The following VPS13B variants were observed in gnomAD, a reference collection of about 807,000 sequenced individuals.
VPS13B encodes the protein vacuolar protein sorting 13 homolog B, also known as intermembrane lipid transfer protein VPS13B.
In VPS13B, 285 loss-of-function variants were observed where a neutral mutation model predicts 426.4. The observed-to-expected ratio is 0.67, with a 90% CI of 0.61 to 0.74. The LOEUF (loss-of-function observed/expected upper bound fraction) is 0.74, where lower values mean the gene tolerates loss of function less well. VPS13B is among the 30% of genes least tolerant of loss of function. The pLI is 0.00. For missense variants in VPS13B, 4,537 were observed against 4,782.6 expected (o/e 0.95, Z 1.51); for synonymous variants, 1,676 against 1,676.4 (o/e 1.00, Z 0.01).
At chr8:99,082,500 C>T (rs1845541476) in intron 3 of VPS13B, among the ~76,000 whole-genome samples, 3 of 152,138 alleles carry the variant, frequency 2.0e-5, no homozygotes, top group Admixed American at 2.0e-4. Context: ...GCTTTTGTTG[C>T]CATTGCTTTT....
chr8:99,296,649 C>T (rs889638289), intron 19 of VPS13B, among the ~76,000 whole-genome samples: 3 of 152,144 alleles, frequency 2.0e-5, no homozygotes, highest in Non-Finnish European at 2.9e-5. Flanking sequence ...AACTTAATCA[C>T]CAATGTGATA....
chr8:99,558,669 C>T (rs894005351), intron 31 of VPS13B, among the ~76,000 whole-genome samples: 3 of 151,706 alleles, frequency 2.0e-5, no homozygotes, highest in Non-Finnish European at 4.4e-5. Context: ...GTTTGGTTTT[C>T]TGTCCTTGCA....
rs936546232 is a variant in VPS13B, at chr8:99,748,087, A to C, written c.7051-18687A>C. 3.3e-5 allele frequency among the ~76,000 whole-genome samples: 5 copies of C among 152,024 alleles called. No homozygotes were observed. The East Asian group carries it at 9.6e-4, about 29-fold the overall frequency. On this transcript the variant is annotated intron_variant, in intron 39 of 61. Transcript: ENST00000357162. The stretch of plus-strand genomic sequence containing the variant: ...GAAAAATTTGCCACCTATAACCTGT[A>C]ATGTATCCCCTAAATAGCTAATTAG...
At chr8:99,221,411 G>C (rs1815712091) in intron 17 of VPS13B, among the ~76,000 whole-genome samples, 1 of 152,044 alleles carries the variant, frequency 6.6e-6, no homozygotes, top group African/African-American at 2.4e-5. Context: ...CATTAGAAAA[G>C]ATTTAAAAAT....
rs1810645561 is a variant in VPS13B at position 99,756,393 on chromosome 8, T to C, written c.7051-10381T>C. ...ACCATCAAGTGTACCAATATATGCA[T>C]AGGGGAAGTCCCAGGAGAGGAGAGA... On this transcript the variant is annotated intron_variant, in intron 39 of 61. Coordinates refer to ENST00000357162, the MANE Select transcript of VPS13B (RefSeq NM_152564.5). Among the ~76,000 whole-genome samples the C allele has an allele frequency of 2.6e-5, 4 of 152,198 alleles. No individual in the cohort carries two copies. The South Asian group carries it at 6.2e-4, about 24-fold the overall frequency.
intron 3 of VPS13B, among the ~76,000 whole-genome samples, chr8:99,093,431 A>G (rs540289364): frequency 6.6e-6 from 1 of 151,898 alleles, no homozygotes; most frequent in East Asian, 1.9e-4. Context: ...CACAATGTGC[A>G]GTTTAGTTAC....
At chr8:99,169,210 C>T (rs964443701) in intron 15 of VPS13B, among the ~76,000 whole-genome samples, 1 of 152,064 alleles carries the variant, frequency 6.6e-6, no homozygotes. Context: ...TTTACATTTA[C>T]TGGAAAACAG....
chr8:99,418,911 T>C (rs1282217786), intron 21 of VPS13B, among the ~76,000 whole-genome samples: 1 of 152,248 alleles, frequency 6.6e-6, no homozygotes, highest in Non-Finnish European at 1.5e-5. Flanking sequence ...TTAAGCTTTC[T>C]GCAAACTTGT....
At chr8:99,310,188 T>C (rs1820875515) in intron 19 of VPS13B, among the ~76,000 whole-genome samples, 1 of 152,212 alleles carries the variant, frequency 6.6e-6, no homozygotes, top group African/African-American at 2.4e-5. Flanking sequence ...TTCTCCTGCC[T>C]GATTGCCCTG....
intron 33 of VPS13B, among the ~76,000 whole-genome samples, chr8:99,618,995 G>C: frequency 6.6e-6 from 1 of 151,942 alleles, no homozygotes; most frequent in East Asian, 1.9e-4. Context: ...TTCATCCTAG[G>C]CTGCTTTCCT....
intron 17 of VPS13B, among the ~76,000 whole-genome samples, chr8:99,232,237 T>G (rs1246713828): frequency 6.6e-6 from 1 of 151,914 alleles, no homozygotes; most frequent in East Asian, 1.9e-4. Context: ...AGATAGAGAA[T>G]TATATAGCAG....
intron 19 of VPS13B, among the ~76,000 whole-genome samples, chr8:99,279,577 T>G (rs1298544957): frequency 2.0e-5 from 3 of 152,140 alleles, no homozygotes; most frequent in Non-Finnish European, 4.4e-5. Context: ...GTCTTTTTAA[T>G]ATAGACTTTG....
chr8:99,459,942 T>G (rs545394533), intron 23 of VPS13B, among the ~76,000 whole-genome samples: 1 of 152,258 alleles, frequency 6.6e-6, no homozygotes, highest in South Asian at 2.1e-4. Context: ...ATGGTTGTGG[T>G]TTAATAGTAT....
intron 30 of VPS13B, among the ~76,000 whole-genome samples, chr8:99,535,528 G>T (rs540240719): frequency 6.6e-6 from 1 of 152,270 alleles, no homozygotes; most frequent in Admixed American, 6.5e-5. Context: ...TCTACATTGA[G>T]AAAGGTAATG....
intron 59 of VPS13B, 120 bp from the exon 60 acceptor site, chr8:99,870,665 T>C: frequency 1.2e-6 from 1 of 860,106 alleles, no homozygotes; most frequent in Non-Finnish European, 2.0e-6. Context: ...CTTCCAAAGA[T>C]GTGACATCAT....
chr8:99,420,638 G>T (rs1372809922), intron 21 of VPS13B, among the ~76,000 whole-genome samples: 1 of 152,136 alleles, frequency 6.6e-6, no homozygotes, highest in East Asian at 1.9e-4. Context: ...TGTCTTCAGT[G>T]TCTAGCCATT....
chr8:99,326,452 C>CTTTTTTTTTTTTTTTTTTTT lies in VPS13B; in HGVS notation c.2824+51209_2824+51228dup, dbSNP rs747097247. Among the ~76,000 whole-genome samples the CTTTTTTTTTTTTTTTTTTTT allele has an allele frequency of 2.3e-3, 75 of 32,524 alleles. 28 individuals are homozygous for CTTTTTTTTTTTTTTTTTTTT. The highest frequency in any genetic ancestry group is 7.6e-3 in the South Asian group (3 of 396). 21.3% of individuals were successfully genotyped at this position (32,524 alleles called of 152,430 possible). A position where few individuals can be genotyped will look rare whatever the true frequency, so the allele number is the denominator to read the frequency against. On this transcript the variant is annotated intron_variant, in intron 19 of 61. Transcript: ENST00000357162. The stretch of plus-strand genomic sequence containing the variant: ...ATTTCTATCTATCATCTCTAGGTAG[C>CTTTTTTTTTTTTTTTTTTTT]TTTTTTTTTTTTTTTTTTTTTTTTT...
chr8:99,309,871 G>A (rs1265117167), intron 19 of VPS13B, among the ~76,000 whole-genome samples: 1 of 152,156 alleles, frequency 6.6e-6, no homozygotes, highest in Non-Finnish European at 1.5e-5. Flanking sequence ...GCAGTGGTTT[G>A]TAGTTCTCCT....
At chr8:99,555,193 TCCTGAGCAGCTGGCCCAGACA>T (rs1824489281) in intron 30 of VPS13B, among the ~76,000 whole-genome samples, 1 of 152,066 alleles carries the variant, frequency 6.6e-6, no homozygotes, top group Non-Finnish European at 1.5e-5. Context: ...CCTGGCCCAG[TCCTGAGCAGCTGGCCCAGACA>T]CCCGTTGTCT....
Sources: gnomAD v4.1 joint callset for allele counts (sites outside exome capture counted in the v4.1 genomes callset) on GRCh38, gnomAD v4.1.1 for gene constraint, MANE v1.5 for transcripts, NCBI Gene and HGNC (gene_info 2026-07-23, HGNC 2026-07-21) for gene names.